RNF175: variants seen among roughly 807,000 people sequenced by gnomAD.
RNF175 encodes the protein ring finger protein 175.
In RNF175, 38 loss-of-function variants were observed where a neutral mutation model predicts 50.0. That is an observed-to-expected ratio of 0.76 (90% CI 0.59 to 1.00). The LOEUF (loss-of-function observed/expected upper bound fraction) is 1.00. Ranked by LOEUF, RNF175 falls within the 50% of genes least tolerant of loss-of-function variation. The probability of loss-of-function intolerance (pLI) is 0.00; values close to 1 mark genes in which losing one functional copy is unlikely to be tolerated. For missense variants in RNF175, 388 were observed against 409.6 expected (o/e 0.95, Z 0.46); for synonymous variants, 155 against 146.1 (o/e 1.06, Z -0.44).
intron 4 of RNF175, among the ~76,000 whole-genome samples, chr4:153,724,904 A>T (rs1320134381): frequency 7.0e-6 from 1 of 143,058 alleles, no homozygotes; most frequent in African/African-American, 2.6e-5. Context: ...GGCAGGGGTG[A>T]GCTACGTGGG....
rs145171948 is a variant in RNF175 at position 153,715,004 on chromosome 4, A to G, written c.764+525T>C. The G allele has an allele frequency of 8.9e-4, 147 of 165,392 alleles. 1 individual carries two copies. The highest frequency in any genetic ancestry group is 3.4e-3 in the African/African-American group (144 of 41,740). The allele number at this position is 165,392 out of a possible 1,614,324, so 10.2% of individuals were successfully genotyped here. On this transcript the variant is annotated intron_variant, in intron 7 of 8. Transcript: ENST00000347063. ...TCTTCTTCTAAAGACTGAAGCTGAG[A>G]AGAAGGCTTGGTTTCCTCCCTTGGC...
At chr4:153,723,745 T>G (rs1265171406) in intron 4 of RNF175, among the ~76,000 whole-genome samples, 1 of 152,158 alleles carries the variant, frequency 6.6e-6, no homozygotes, top group African/African-American at 2.4e-5. Context: ...TCAGGAATGG[T>G]TACTCTTCCT....
intron 3 of RNF175, among the ~76,000 whole-genome samples, chr4:153,731,075 A>G (rs1221666632): frequency 6.6e-6 from 1 of 152,236 alleles, no homozygotes; most frequent in Non-Finnish European, 1.5e-5. Flanking sequence ...TATCTTTAAA[A>G]TGTAACTCAG....
intron 5 of RNF175, chr4:153,723,042 G>T (rs1738449723): frequency 1.1e-5 from 2 of 181,326 alleles, no homozygotes; most frequent in South Asian, 2.5e-4. Context: ...TTTTGTAGAA[G>T]AGAAATTAGT....
intron 1 of RNF175, 42 bp from the exon 2 acceptor site, chr4:153,751,517 T>A (rs751622033): frequency 2.1e-6 from 3 of 1,439,966 alleles, no homozygotes; most frequent in Non-Finnish European, 2.8e-6. Context: ...AATGTCCTTA[T>A]TTTCTTGGTT....
chr4:153,732,076 A>C (rs1279928446), intron 3 of RNF175, among the ~76,000 whole-genome samples: 1 of 152,098 alleles, frequency 6.6e-6, no homozygotes, highest in Non-Finnish European at 1.5e-5. Context: ...TACTAAAAAT[A>C]CAAAAATTAG....
intron 4 of RNF175, among the ~76,000 whole-genome samples, chr4:153,725,288 T>C (rs1274721861): frequency 5.3e-5 from 8 of 152,160 alleles, no homozygotes; most frequent in Non-Finnish European, 1.2e-4. Context: ...TTCTTTTCAT[T>C]TGTCAGTACT....
intron 3 of RNF175, among the ~76,000 whole-genome samples, chr4:153,731,973 T>C (rs1739063389): frequency 6.6e-6 from 1 of 152,180 alleles, no homozygotes; most frequent in African/African-American, 2.4e-5. Flanking sequence ...GACTCATGCC[T>C]GTAATCTGAG....
rs1208608904 is a variant in RNF175, at chr4:153,712,458, T to C, written c.866+17A>G. 1 of 1,381,166 alleles carries C rather than the reference T, an allele frequency of 7.2e-7. No individual in the cohort carries two copies. The highest frequency in any genetic ancestry group is 1.4e-5 in the African/African-American group (1 of 70,442). The allele number at this position is 1,381,166 out of a possible 1,614,324, so 85.6% of individuals were successfully genotyped here. On this transcript the variant is annotated intron_variant, in intron 8 of 8. Coordinates refer to ENST00000347063, the MANE Select transcript of RNF175 (RefSeq NM_173662.4). ...ATTCAAGATAATCTCTTATAACCTT[T>C]TTGTTTTAAAGGATATGGATTACTG...
chr4:153,759,673 A>T (rs898265206), intron 1 of RNF175, 124 bp downstream of exon 1: 5 of 583,822 alleles, frequency 8.6e-6, no homozygotes, highest in Non-Finnish European at 1.1e-5. Flanking sequence ...ACGTCTTTCC[A>T]GGGCCGGTTC....
intron 7 of RNF175, chr4:153,715,022 C>T (rs1737815985): frequency 6.0e-6 from 1 of 168,052 alleles, no homozygotes; most frequent in Non-Finnish European, 1.3e-5. Flanking sequence ...TTGGTTTCCT[C>T]CCTTGGCTGC....
At chr4:153,749,712 T>G (rs1740185121) in intron 2 of RNF175, among the ~76,000 whole-genome samples, 1 of 152,150 alleles carries the variant, frequency 6.6e-6, no homozygotes, top group Non-Finnish European at 1.5e-5. Flanking sequence ...TAGGAAACAC[T>G]GGGAAGCTTT....
intron 1 of RNF175, among the ~76,000 whole-genome samples, chr4:153,757,714 C>T (rs1384402648): frequency 1.3e-5 from 2 of 151,728 alleles, no homozygotes; most frequent in Admixed American, 6.6e-5. Context: ...GGAAAGCAAG[C>T]CTTAGACAAG....
At chr4:153,719,360 G>A (rs772720289) in intron 6 of RNF175, among the ~76,000 whole-genome samples, 1 of 152,148 alleles carries the variant, frequency 6.6e-6, no homozygotes, top group Non-Finnish European at 1.5e-5. Flanking sequence ...TATCATTGAT[G>A]GGTTGTTTCC....
intron 3 of RNF175, among the ~76,000 whole-genome samples, chr4:153,735,244 A>G (rs2405431): frequency 0.17 from 25,448 of 146,596 alleles, 2,882 homozygotes; most frequent in Non-Finnish European, 0.25. Flanking sequence ...TTTTTTTGGC[A>G]TGTGAAAATC....
At chr4:153,745,385 G>A (rs1037204840) in intron 3 of RNF175, among the ~76,000 whole-genome samples, 1 of 152,174 alleles carries the variant, frequency 6.6e-6, no homozygotes, top group Non-Finnish European at 1.5e-5. Flanking sequence ...TAAACATTGT[G>A]ATGGCAAGGT....
intron 3 of RNF175, among the ~76,000 whole-genome samples, chr4:153,734,495 GAATT>G (rs138518208): frequency 0.18 from 27,200 of 151,696 alleles, 3,070 homozygotes; most frequent in Non-Finnish European, 0.25. Context: ...TCCTTAGTAG[GAATT>G]AATTAATTAC....
At chr4:153,729,595 T>G in intron 3 of RNF175, 2 of 883,384 alleles carry the variant, frequency 2.3e-6, no homozygotes, top group Non-Finnish European at 2.7e-6. Flanking sequence ...TGGACAGGAC[T>G]TCAAGATAGA....
rs560692292 is a variant in RNF175 at position 153,715,647 on chromosome 4, G to T, written c.646C>A (p.Arg216=). 3.1e-6 allele frequency: 5 copies of T among 1,613,796 alleles called. No individual in the cohort carries two copies. In the East Asian group the frequency reaches 8.9e-5, roughly 29 times the overall value. Residue 216 remains arginine, a synonymous_variant, in exon 7 of 9, where the codon CGG becomes AGG. Transcript: ENST00000347063. ...ASTIGFYSVS[R]LPTRSLSDNI... is the part of the protein sequence containing the mutation. ...TCCGATAAGCTCCTTGTAGGCAACC[G>T]GCTGACACTGTAGAACTATCAGAGG...
Sources: allele counts gnomAD v4.1 joint callset (sites outside exome capture counted in the v4.1 genomes callset), GRCh38; gene constraint gnomAD v4.1.1; transcripts MANE v1.5; gene names NCBI Gene and HGNC (gene_info 2026-07-23, HGNC 2026-07-21).